JAK3: variants seen among roughly 807,000 people sequenced by gnomAD.
JAK3 encodes Janus kinase 3.
JAK3 carries 88 observed loss-of-function variants against 120.8 expected under a neutral mutation model. That is an observed-to-expected ratio of 0.73 (90% CI 0.61 to 0.87). JAK3 has a LOEUF of 0.87. Among genes scored for constraint, JAK3 ranks in the 40% least tolerant of loss-of-function variants. The probability of loss-of-function intolerance (pLI) is 0.00; values close to 1 mark genes in which losing one functional copy is unlikely to be tolerated. For synonymous variants in JAK3, 592 were observed against 628.6 expected (o/e 0.94, Z 0.87); for missense variants, 1,254 against 1,501.4 (o/e 0.84, Z 2.72).
In JAK3 at chr19:17,841,693, G is replaced by C. The variant is rs201290259; in HGVS notation, c.931C>G (p.Pro311Ala). Residue 311 changes from proline (P) to alanine (A), a missense_variant, in exon 7 of 24, where the codon CCG (proline) becomes GCG (alanine). Coordinates refer to ENST00000458235, the MANE Select transcript of JAK3 (RefSeq NM_000215.4). This position sits in a 1 kb window ranked among gnomAD's most constrained non-coding sequence, Gnocchi z 4.1. ...GTGACCAGGCGGTGCTCTCCGGCCG[G>C]GCCAACGCGCGGGGCCTGCTTGATG... ...ISIKQAPRVGPAGEHRLVTVT... is the reference protein window; with the variant it reads ...ISIKQAPRVGAAGEHRLVTVT... The C allele has an allele frequency of 6.2e-7, 1 of 1,613,658 alleles. No individual in the cohort carries two copies. The highest frequency in any genetic ancestry group is 1.3e-5 in the African/African-American group (1 of 74,858).
At chr19:17,839,738 C>CTTTT (rs71164315) in intron 9 of JAK3, 75 bp from the exon 10 acceptor site, 133 of 795,730 alleles carry the variant, frequency 1.7e-4, no homozygotes, top group Middle Eastern at 3.9e-4. Context: ...CCTTTTTTTT[C>CTTTT]TTTTTTTTTT....
intron 23 of JAK3, among the ~76,000 whole-genome samples, chr19:17,827,594 A>T (rs147919747): frequency 0.052 from 7,772 of 150,534 alleles, 258 homozygotes; most frequent in Admixed American, 0.074. Flanking sequence ...TAATCCACCC[A>T]CCTCGGCCTC....
At chr19:17,829,869 A>C in intron 23 of JAK3, 1 of 600,030 alleles carries the variant, frequency 1.7e-6, no homozygotes, top group Non-Finnish European at 3.0e-6. Flanking sequence ...TCAGGAGTCT[A>C]ATCTTCCCTC....
chr19:17,832,132 C>T lies in JAK3; in HGVS notation c.2681-334G>A, dbSNP rs1291666825. ...CAAAAATTAGCCGGGTGTGGTGGCA[C>T]GCTCCTGTAATCCCAGCTACTCTGG... On this transcript the variant is annotated intron_variant, in intron 19 of 23. Coordinates refer to ENST00000458235, the MANE Select transcript of JAK3 (RefSeq NM_000215.4). The surrounding 1 kb of genome is among the most constrained non-coding windows in gnomAD (Gnocchi z 4.7). Among the ~76,000 whole-genome samples, 3 of 152,052 alleles carry T rather than the reference C, an allele frequency of 2.0e-5. No individual in the cohort carries two copies. Among genetic ancestry groups the T allele is most frequent in the Non-Finnish European group, 4.4e-5 (3 of 68,028 alleles).
intron 14 of JAK3, among the ~76,000 whole-genome samples, chr19:17,835,505 G>A (rs1037135619): frequency 6.6e-6 from 1 of 152,114 alleles, no homozygotes; most frequent in Non-Finnish European, 1.5e-5. Flanking sequence ...AGCTTCCAAT[G>A]AACTTCCCTT....
intron 23 of JAK3, among the ~76,000 whole-genome samples, chr19:17,828,134 G>A (rs1350273868): frequency 2.0e-5 from 3 of 151,964 alleles, no homozygotes; most frequent in South Asian, 2.1e-4. Flanking sequence ...TTCCAGCGTC[G>A]GCCCCGTAAG....
chr19:17,830,191 G>T lies in JAK3; in HGVS notation c.3124C>A (p.Arg1042=). 6.3e-7 allele frequency: 1 copy of T among 1,589,294 alleles called. No homozygotes were observed. The highest frequency in any genetic ancestry group is 8.6e-7 in the Non-Finnish European group (1 of 1,169,202). The part of the protein sequence containing the change: ...AEFLRMMGCE[R]DVPALCRLLE... ...AGGCGGCAGAGGGCGGGGACATCCC[G>T]CTCACATCCCATCATCCGCAGGAAC... The change falls in exon 23 of 24, where the codon CGG becomes AGG. Residue 1042 remains arginine, a synonymous_variant. Coordinates refer to ENST00000458235, the MANE Select transcript of JAK3 (RefSeq NM_000215.4).
intron 13 of JAK3, 198 bp downstream of exon 13, chr19:17,836,931 G>C (rs927907565): frequency 1.5e-6 from 1 of 687,478 alleles, no homozygotes; most frequent in Non-Finnish European, 2.7e-6. Flanking sequence ...TCTGGGGCTG[G>C]ATATGGGTGA....
Position 17,826,375 on chromosome 19 carries a change from GCT to G in JAK3, c.*366_*367del. On this transcript the variant is annotated 3_prime_UTR_variant, in exon 24 of 24. Transcript: ENST00000458235. Reference sequence around the variant, plus strand: ...ACTCCACCCTGGGTAACAGAGCGAGGCTCTGTCTCAAAAATAAAAATAAAAAT... The same window carrying G: ...ACTCCACCCTGGGTAACAGAGCGAGGCTGTCTCAAAAATAAAAATAAAAAT... The G allele has an allele frequency of 3.5e-6, 1 of 288,400 alleles. No individual in the cohort carries two copies. The allele number at this position is 288,400 out of a possible 1,614,324, so 17.9% of individuals were successfully genotyped here. A position where few individuals can be genotyped will look rare whatever the true frequency, so the allele number is the denominator to read the frequency against.
Position 17,826,743 on chromosome 19 carries a change from C to G in JAK3, c.3375G>C (p.Ter1125TyrextTer120). ...EGKHHSLSFS* is the reference protein window; with the variant it reads ...EGKHHSLSFSY ...TAATCCAGAGGTCTGCGGGCAGGAG[C>G]TATGAAAAGGACAGGGAGTGGTGTT... The change falls in exon 24 of 24, where the codon TAG (stop) becomes TAC (tyrosine). Residue 1125 changes from the stop codon to tyrosine (Y), a stop_lost. Coordinates refer to ENST00000458235, the MANE Select transcript of JAK3 (RefSeq NM_000215.4). 7 of 1,614,004 alleles carry G rather than the reference C, an allele frequency of 4.3e-6. No homozygotes were observed. Among genetic ancestry groups the G allele is most frequent in the Non-Finnish European group, 5.9e-6 (7 of 1,179,908 alleles).
At chr19:17,837,299 G>A in intron 12 of JAK3, 86 bp from the exon 13 acceptor site, 1 of 1,009,658 alleles carries the variant, frequency 9.9e-7, no homozygotes. Context: ...CCTGCCTTAG[G>A]GGAACACCTG....
At position 17,842,049 on chromosome 19, in the gene JAK3, CTT is replaced by C. The variant is rs1207379264; in HGVS notation, c.861+265_861+266del. On this transcript the variant is annotated intron_variant, in intron 6 of 23. Coordinates refer to ENST00000458235, the MANE Select transcript of JAK3 (RefSeq NM_000215.4). The surrounding 1 kb of genome is among the most constrained non-coding windows in gnomAD (Gnocchi z 6.4). ...CAGCTCTCGGAGCCTCACTCTGCCT[CTT>C]AGTCTTGCCTCGTTCCAGCGCCCAC... Among the ~76,000 whole-genome samples the C allele has an allele frequency of 9.9e-5, 15 of 151,934 alleles. No individual in the cohort carries two copies. Among genetic ancestry groups the C allele is most frequent in the Non-Finnish European group, 1.5e-5 (1 of 67,974 alleles).
intron 1 of JAK3, among the ~76,000 whole-genome samples, chr19:17,846,728 G>T (rs1234336643): frequency 6.6e-6 from 1 of 152,014 alleles, no homozygotes; most frequent in Non-Finnish European, 1.5e-5. Flanking sequence ...GGGATTACAG[G>T]CGCGCACCAC....
chr19:17,841,889 C>T lies in JAK3; in HGVS notation c.862-127G>A, dbSNP rs1599878232. The T allele has an allele frequency of 3.0e-6, 4 of 1,333,224 alleles. No individual in the cohort carries two copies. Among genetic ancestry groups the T allele is most frequent in the East Asian group, 2.4e-5 (1 of 41,592 alleles). 82.6% of individuals were successfully genotyped at this position (1,333,224 alleles called of 1,614,324 possible). On this transcript the variant is annotated intron_variant, in intron 6 of 23. Transcript: ENST00000458235. The surrounding 1 kb of genome is among the most constrained non-coding windows in gnomAD (Gnocchi z 4.1). ...TGCCATTCAACCCTTCCAAGCCGCGCCCCCTCCTATCAACTCCAACCTCTC... is the reference window on the plus strand; with the variant it reads ...TGCCATTCAACCCTTCCAAGCCGCGTCCCCTCCTATCAACTCCAACCTCTC...
intron 8 of JAK3, among the ~76,000 whole-genome samples, chr19:17,840,895 G>A (rs1463916272): frequency 1.3e-5 from 2 of 152,104 alleles, no homozygotes; most frequent in Non-Finnish European, 2.9e-5. Flanking sequence ...TCAGCTCACT[G>A]CAGCCTCCAA....
chr19:17,847,760 G>T (rs984405522), intron 1 of JAK3, among the ~76,000 whole-genome samples, 186 bp downstream of exon 1: 2 of 151,422 alleles, frequency 1.3e-5, no homozygotes, highest in East Asian at 2.0e-4. Flanking sequence ...CAAAGCCGAA[G>T]CCCAGAGAAG....
chr19:17,827,717 TAAAAAAAAAAA>T (rs760856974), intron 23 of JAK3, among the ~76,000 whole-genome samples: 173 of 77,636 alleles, frequency 2.2e-3, no homozygotes, highest in South Asian at 5.7e-3. Flanking sequence ...CCATCTTAAC[TAAAAAAAAAAA>T]AAAAAAAAAA....
intron 8 of JAK3, 118 bp from the exon 9 acceptor site, chr19:17,840,459 C>T: frequency 1.4e-6 from 1 of 722,778 alleles, no homozygotes; most frequent in Non-Finnish European, 2.4e-6. Flanking sequence ...GACACCCTCC[C>T]CCCATTTATA....
rs527754359 is a variant in JAK3, at chr19:17,842,226, G to C, written c.861+90C>G. On this transcript the variant is annotated intron_variant, in intron 6 of 23. Transcript: ENST00000458235. This position sits in a 1 kb window ranked among gnomAD's most constrained non-coding sequence, Gnocchi z 6.4. ...CCCACTTCCCCAAGTCTTTCGTTTT[G>C]GCTCCGCCCCACATCCCCTACCACT... The C allele has an allele frequency of 3.0e-5, 40 of 1,322,120 alleles. No homozygotes were observed. Among genetic ancestry groups the C allele is most frequent in the Admixed American group, 2.3e-4 (8 of 34,626 alleles). 81.9% of individuals were successfully genotyped at this position (1,322,120 alleles called of 1,614,324 possible).
Sources: gnomAD v4.1 joint callset for allele counts (sites outside exome capture counted in the v4.1 genomes callset) on GRCh38, gnomAD v4.1.1 for gene constraint, Gnocchi (gnomAD v3.1) non-coding constraint, MANE v1.5 for transcripts, NCBI Gene and HGNC (gene_info 2026-07-23, HGNC 2026-07-21) for gene names.